DCC: variants seen among roughly 807,000 people sequenced by gnomAD.
The protein encoded by DCC is DCC netrin 1 receptor, also known as netrin receptor DCC.
Under a neutral mutation model 172.5 loss-of-function variants are expected in DCC, and 58 were observed. That is an observed-to-expected ratio of 0.34 (90% confidence interval 0.27 to 0.42). The LOEUF (loss-of-function observed/expected upper bound fraction) is 0.42. Ranked by LOEUF, DCC falls within the 10% of genes least tolerant of loss-of-function variation. DCC has a pLI of 1.00. For missense variants in DCC, 1,740 were observed against 1,791.0 expected, an observed-to-expected ratio of 0.97 and a Z score of 0.51; for synonymous variants, 709 against 644.5, an observed-to-expected ratio of 1.10 and a Z score of -1.52.
At chr18:53,000,457 A>G (rs987175456) in intron 5 of DCC, among the ~76,000 whole-genome samples, 1 of 151,922 alleles carries the variant, frequency 6.6e-6, no homozygotes, top group African/African-American at 2.4e-5. Flanking sequence ...TGGTGTCTGC[A>G]TATGTACAAT....
chr18:53,373,343 T>C (rs950295658), intron 15 of DCC, among the ~76,000 whole-genome samples: 1 of 152,130 alleles, frequency 6.6e-6, no homozygotes, highest in South Asian at 2.1e-4. Context: ...GACTCATTTA[T>C]GTTAAGTCCA....
intron 1 of DCC, among the ~76,000 whole-genome samples, chr18:52,501,747 G>A (rs1598869210): frequency 1.3e-5 from 2 of 152,124 alleles, no homozygotes; most frequent in African/African-American, 4.8e-5. Context: ...AAATTTCTGA[G>A]TGGATATTTT....
intron 1 of DCC, among the ~76,000 whole-genome samples, chr18:52,477,229 C>G (rs1989119858): frequency 6.6e-6 from 1 of 152,098 alleles, no homozygotes; most frequent in African/African-American, 2.4e-5. Context: ...TGTGGGATCA[C>G]CATTCCCTGC....
chr18:53,269,793 G>T (rs1022695770), intron 12 of DCC, among the ~76,000 whole-genome samples: 3 of 152,054 alleles, frequency 2.0e-5, no homozygotes, highest in South Asian at 2.1e-4. Context: ...CTAGAGTCTG[G>T]TTGCTCTAGA....
At chr18:53,322,197 C>A in intron 14 of DCC, 40 bp downstream of exon 14, 1 of 1,050,374 alleles carries the variant, frequency 9.5e-7, no homozygotes. Context: ...TGATTATCTT[C>A]TTGTTATCTC....
chr18:52,610,084 C>T (rs755190696), intron 1 of DCC, among the ~76,000 whole-genome samples: 23 of 137,254 alleles, frequency 1.7e-4, no homozygotes, highest in East Asian at 4.5e-4. Context: ...GATGCTGAGG[C>T]GGGTGGATCG....
intron 7 of DCC, among the ~76,000 whole-genome samples, chr18:53,068,041 T>G (rs1268404908): frequency 6.6e-6 from 1 of 152,144 alleles, no homozygotes; most frequent in Non-Finnish European, 1.5e-5. Flanking sequence ...GTCAAGAAGC[T>G]AAAGGAACTA....
intron 3 of DCC, among the ~76,000 whole-genome samples, chr18:52,915,621 G>T (rs148034007): frequency 6.6e-6 from 1 of 151,992 alleles, no homozygotes; most frequent in African/African-American, 2.4e-5. Context: ...AATGTGTCAG[G>T]TTATATGATC....
chr18:52,350,512 A>G lies in DCC; in HGVS notation c.91+9634A>G, dbSNP rs551866495. 9.9e-4 allele frequency among the ~76,000 whole-genome samples: 149 copies of G among 150,132 alleles called. 1 individual carries two copies. Among genetic ancestry groups the G allele is most frequent in the African/African-American group, 3.5e-3 (142 of 40,726 alleles). On this transcript the variant is annotated intron_variant, in intron 1 of 28. Coordinates refer to ENST00000442544, the MANE Select transcript of DCC (RefSeq NM_005215.4). Reference sequence around the variant, plus strand: ...CACAGGAAGGGGAACATCATCATACACCGGGGCCTACTGGGGAGTTGGGGG... The same window carrying G: ...CACAGGAAGGGGAACATCATCATACGCCGGGGCCTACTGGGGAGTTGGGGG...
At chr18:53,048,304 G>A (rs530687961) in intron 5 of DCC, among the ~76,000 whole-genome samples, 17 of 151,546 alleles carry the variant, frequency 1.1e-4, no homozygotes, top group African/African-American at 2.9e-4. Context: ...AGGCCCAAGC[G>A]TCTGTGGTTC....
At chr18:53,475,791 C>T (rs1263679229) in intron 25 of DCC, among the ~76,000 whole-genome samples, 1 of 152,140 alleles carries the variant, frequency 6.6e-6, no homozygotes, top group Non-Finnish European at 1.5e-5. Context: ...AGAAGAAGGC[C>T]ACCATCCTCC....
At chr18:52,628,119 A>C (rs1262164441) in intron 1 of DCC, among the ~76,000 whole-genome samples, 3 of 152,160 alleles carry the variant, frequency 2.0e-5, no homozygotes, top group Non-Finnish European at 4.4e-5. Context: ...GATGGCATCA[A>C]CTGTGAAAAT....
At chr18:53,508,019 G>A (rs1191338927) in intron 27 of DCC, among the ~76,000 whole-genome samples, 5 of 23,148 alleles carry the variant, frequency 2.2e-4, no homozygotes, top group African/African-American at 2.1e-3. Flanking sequence ...TCAGCCTCCC[G>A]AGAGCTGGGA....
intron 12 of DCC, among the ~76,000 whole-genome samples, chr18:53,257,853 G>C (rs1349200910): frequency 1.3e-5 from 2 of 152,030 alleles, no homozygotes; most frequent in Non-Finnish European, 2.9e-5. Context: ...GACTTTTTTT[G>C]GTTGGTAAGC....
chr18:53,140,148 C>T (rs2043808651), intron 7 of DCC, among the ~76,000 whole-genome samples: 1 of 152,106 alleles, frequency 6.6e-6, no homozygotes, highest in Non-Finnish European at 1.5e-5. Flanking sequence ...CTGAATAAAA[C>T]ATTTTATGAT....
chr18:53,043,201 C>T (rs981117341), intron 5 of DCC, among the ~76,000 whole-genome samples: 2 of 151,564 alleles, frequency 1.3e-5, no homozygotes, highest in Non-Finnish European at 2.9e-5. Context: ...ATCATTCTCA[C>T]CAAACTAACC....
Position 53,532,644 on chromosome 18 carries a change from C to T in DCC, c.*1991C>T, listed in dbSNP as rs896324177. Reference sequence around the variant, plus strand: ...ATATTCATTGGGCTAGCCCAACCTTCTCTAGGCCCTAAGAATTATTACCTC... The same window carrying T: ...ATATTCATTGGGCTAGCCCAACCTTTTCTAGGCCCTAAGAATTATTACCTC... On this transcript the variant is annotated 3_prime_UTR_variant, in exon 29 of 29. Transcript: ENST00000442544. 2 of 152,168 alleles carry T rather than the reference C, an allele frequency of 1.3e-5. No individual in the cohort carries two copies. Among genetic ancestry groups the T allele is most frequent in the African/African-American group, 4.8e-5 (2 of 41,452 alleles). 9.4% of individuals were successfully genotyped at this position (152,168 alleles called of 1,614,324 possible).
chr18:52,343,284 G>A (rs1459020563), intron 1 of DCC, among the ~76,000 whole-genome samples: 4 of 152,168 alleles, frequency 2.6e-5, no homozygotes, highest in African/African-American at 9.7e-5. Context: ...TCTATAAAAG[G>A]ACCAGTAGGA....
At chr18:52,893,737 T>C (rs762150676) in intron 2 of DCC, among the ~76,000 whole-genome samples, 2 of 152,124 alleles carry the variant, frequency 1.3e-5, no homozygotes, top group Admixed American at 6.6e-5. Context: ...CATGTTAATA[T>C]ACCGGAAACA....
Sources: gnomAD v4.1 joint callset for allele counts (sites outside exome capture counted in the v4.1 genomes callset) on GRCh38, gnomAD v4.1.1 for gene constraint, MANE v1.5 for transcripts, NCBI Gene and HGNC (gene_info 2026-07-23, HGNC 2026-07-21) for gene names.